Variants in STRA6 observed in about 807,000 individuals in gnomAD.
STRA6 encodes signaling receptor and transporter of retinol STRA6, also known as receptor for retinol uptake STRA6.
STRA6 carries 48 observed loss-of-function variants against 83.6 expected under a neutral mutation model. The ratio of observed to expected loss-of-function variants is 0.57; its 90% CI spans 0.46 to 0.73. The LOEUF is 0.73. Ranked by LOEUF, STRA6 falls within the 30% of genes least tolerant of loss-of-function variation. The pLI is 0.00. For synonymous variants in STRA6, 353 were observed against 362.3 expected (o/e 0.97, Z 0.29); for missense variants, 760 against 838.8 (o/e 0.91, Z 1.16).
chr15:74,181,369 G>A lies in STRA6; in HGVS notation c.1610C>T (p.Ala537Val). Reference protein sequence around the residue: ...MVATWRVLLSALYNAIHLGQM... With the variant: ...MVATWRVLLSVLYNAIHLGQM... ...GCCAAGGTGGATGGCGTTGTAGAGGGCAGAGAGGAGCACTCGCCAGGTGGC... is the reference window on the plus strand; with the variant it reads ...GCCAAGGTGGATGGCGTTGTAGAGGACAGAGAGGAGCACTCGCCAGGTGGC... The change falls in exon 17 of 19, where the codon GCC becomes GTC. Residue 537 changes from alanine to valine, a missense_variant. Physicochemically the swap from Ala to Val is moderately conservative, Grantham distance 64. Coordinates refer to ENST00000395105, the MANE Select transcript of STRA6 (RefSeq NM_022369.4). 3.1e-6 allele frequency: 5 copies of A among 1,613,826 alleles called. No homozygotes were observed. The highest frequency in any genetic ancestry group is 3.4e-6 in the Non-Finnish European group (4 of 1,179,960).
chr15:74,183,086 G>A (rs77295386), intron 14 of STRA6, among the ~76,000 whole-genome samples: 104 of 152,328 alleles, frequency 6.8e-4, no homozygotes, highest in African/African-American at 2.5e-3. Context: ...ACCATTCAGA[G>A]TGCTTTTCTC....
At chr15:74,201,272 G>A (rs2074047324) in intron 2 of STRA6, among the ~76,000 whole-genome samples, 1 of 152,170 alleles carries the variant, frequency 6.6e-6, no homozygotes, top group Non-Finnish European at 1.5e-5. Flanking sequence ...AGGTTTTGAT[G>A]GAGAACAGAT....
upstream of STRA6, among the ~76,000 whole-genome samples, chr15:74,211,308 T>C (rs1364886685): frequency 6.6e-6 from 1 of 151,858 alleles, no homozygotes; most frequent in Non-Finnish European, 1.5e-5. Context: ...ATTGCAGGAT[T>C]GGGACACACC....
At chr15:74,208,951 A>T (rs2074323761) in exon 1 of STRA6, 2 of 1,000,404 alleles carry the variant, frequency 2.0e-6, no homozygotes, top group African/African-American at 3.5e-5. Flanking sequence ...CTGGGATCCT[A>T]GAGGGGTGGC....
chr15:74,208,798 A>T lies in STRA6; in HGVS notation c.-16+2T>A. On this transcript the variant is annotated splice_donor_variant, in intron 1 of 18. Transcript: ENST00000323940. LOFTEE classifies it low-confidence loss of function (5UTR_SPLICE). ...GGCCTCCCAGACTTGGCTCCAGCCTACCTCCAATCAAGCGCTCTCCTGACC... is the reference window on the plus strand; with the variant it reads ...GGCCTCCCAGACTTGGCTCCAGCCTTCCTCCAATCAAGCGCTCTCCTGACC... 1.0e-6 allele frequency: 1 copy of T among 988,022 alleles called. No homozygotes were observed. The highest frequency in any genetic ancestry group is 1.2e-6 in the Non-Finnish European group (1 of 831,864). 61.2% of individuals were successfully genotyped at this position (988,022 alleles called of 1,614,324 possible). A position where few individuals can be genotyped will look rare whatever the true frequency, so the allele number is the denominator to read the frequency against.
chr15:74,194,280 C>T, intron 7 of STRA6: 2 of 1,042,726 alleles, frequency 1.9e-6, no homozygotes, highest in South Asian at 3.8e-5. Context: ...CGAAAGCCTG[C>T]CTTTGCCTAC....
chr15:74,195,978 C>T (rs2073794810), intron 5 of STRA6, 30 bp downstream of exon 5: 1 of 1,613,304 alleles, frequency 6.2e-7, no homozygotes, highest in Non-Finnish European at 8.5e-7. Context: ...CCCATCACAC[C>T]AACCCCAGGG....
intron 11 of STRA6, 55 bp from the exon 12 acceptor site, chr15:74,189,332 CAG>C: frequency 1.9e-6 from 3 of 1,550,796 alleles, no homozygotes; most frequent in Admixed American, 3.9e-5. Flanking sequence ...TCTGTGCTAA[CAG>C]GGGAGACGCT....
intron 2 of STRA6, among the ~76,000 whole-genome samples, chr15:74,201,512 C>A (rs953905172): frequency 6.6e-6 from 1 of 152,180 alleles, no homozygotes; most frequent in Admixed American, 6.5e-5. Flanking sequence ...CCAGGCAAAG[C>A]AGCTGTGGCT....
At chr15:74,191,852 C>T in intron 8 of STRA6, 2 of 402,300 alleles carry the variant, frequency 5.0e-6, no homozygotes, top group South Asian at 4.4e-5. Flanking sequence ...CAAAGGGAAG[C>T]TTGTGTCCCA....
chr15:74,194,789 T>G, intron 7 of STRA6: 4 of 1,278,318 alleles, frequency 3.1e-6, no homozygotes, highest in Non-Finnish European at 3.9e-6. Context: ...ACTCAGGTTG[T>G]CTGGCTCTAA....
chr15:74,183,657 G>C (rs937881846), intron 14 of STRA6, 199 bp downstream of exon 14: 19 of 1,487,788 alleles, frequency 1.3e-5, no homozygotes, highest in African/African-American at 4.2e-5. Context: ...AATTTCCCGA[G>C]GGCTCCTGTA....
chr15:74,206,640 G>A (rs777565910), upstream of STRA6, among the ~76,000 whole-genome samples: 7 of 152,214 alleles, frequency 4.6e-5, no homozygotes, highest in African/African-American at 9.6e-5. Context: ...CCTGAGGAGC[G>A]GGGAGGGAAA....
At chr15:74,183,453 C>G in intron 14 of STRA6, 1 of 1,068,260 alleles carries the variant, frequency 9.4e-7, no homozygotes, top group Non-Finnish European at 1.2e-6. Context: ...ACCATGTTGG[C>G]CAGGCTGGTC....
Position 74,202,256 on chromosome 15 carries a change from C to T in STRA6, c.12G>A (p.Gln4=), listed in dbSNP as rs769748306. MSS[Q]PAGNQTSPGA... Reference sequence around the variant, plus strand: ...CGGGGGAGGTCTGGTTCCCTGCTGGCTGGGACGACATTCTCTGGCCCTTCT... The same window carrying T: ...CGGGGGAGGTCTGGTTCCCTGCTGGTTGGGACGACATTCTCTGGCCCTTCT... The change falls in exon 2 of 19, where the codon CAG becomes CAA. Residue 4 remains glutamine (Q), a synonymous_variant. Transcript: ENST00000395105. 17 of 1,542,336 alleles carry T rather than the reference C, an allele frequency of 1.1e-5. 1 individual carries two copies. In the South Asian group the frequency reaches 2.2e-4, roughly 20 times the overall value.
At chr15:74,208,033 A>C in intron 1 of STRA6, 5 of 1,354,258 alleles carry the variant, frequency 3.7e-6, no homozygotes, top group Non-Finnish European at 4.8e-6. Flanking sequence ...TGCCCCCCTC[A>C]CCAACAGCAT....
rs781167572 is a variant in STRA6, at chr15:74,191,185, T to C, written c.847A>G (p.Ile283Val). The C allele has an allele frequency of 3.7e-6, 6 of 1,613,918 alleles. No homozygotes were observed. The highest frequency in any genetic ancestry group is 2.7e-5 in the African/African-American group (2 of 74,952). ...CCCATACCTGGCTGTGGAGTGTAGATGCAGTGTCTCAAGCAGACGCGGGCC... is the reference window on the plus strand; with the variant it reads ...CCCATACCTGGCTGTGGAGTGTAGACGCAGTGTCTCAAGCAGACGCGGGCC... ...SWARVCLRHC[I>V]YTPQPGFHLP... The change falls in exon 10 of 19, where the codon ATC (isoleucine) becomes GTC (valine). Residue 283 changes from isoleucine to valine, a missense_variant. Coordinates refer to ENST00000395105, the MANE Select transcript of STRA6 (RefSeq NM_022369.4).
At chr15:74,202,841 C>A, upstream of STRA6, 1 of 1,064,568 alleles carries the variant, frequency 9.4e-7, no homozygotes. Context: ...CCTCAGCCTG[C>A]CCCTTTCTGG....
upstream of STRA6, chr15:74,209,034 C>T (rs1297850651): frequency 4.4e-6 from 5 of 1,145,378 alleles, no homozygotes; most frequent in East Asian, 1.2e-4. Flanking sequence ...TTGATCTGCT[C>T]CTCCCGGAAG....
Sources: gnomAD v4.1 joint callset for allele counts (sites outside exome capture counted in the v4.1 genomes callset) on GRCh38, gnomAD v4.1.1 for gene constraint, MANE v1.5 for transcripts, NCBI Gene and HGNC (gene_info 2026-07-23, HGNC 2026-07-21) for gene names.